The following ABCA13 variants were observed in gnomAD, a reference collection of about 807,000 sequenced individuals.
ABCA13 encodes the protein ATP-binding cassette sub-family A member 13.
Under a neutral mutation model 478.7 loss-of-function variants are expected in ABCA13, and 476 were observed. The ratio of observed to expected loss-of-function variants is 0.99; its 90% CI spans 0.92 to 1.07. ABCA13 has a LOEUF of 1.07. Ranked by LOEUF, ABCA13 falls within the 50% of genes least tolerant of loss-of-function variation. ABCA13 has a pLI of 0.00. For synonymous variants in ABCA13, 2,252 were observed against 2,158.9 expected, an observed-to-expected ratio of 1.04 and a Z score of -1.20; for missense variants, 6,060 against 5,910.6, an observed-to-expected ratio of 1.03 and a Z score of -0.83.
At position 48,280,064 on chromosome 7, in the gene ABCA13, G is replaced by A. The variant is rs1796828859; in HGVS notation, c.8726+144G>A. ...ACACTCTGAAGTTGGCTTCAACATAGAGCAATTCAGGTCCAGTCATTCTTT... is the reference window on the plus strand; with the variant it reads ...ACACTCTGAAGTTGGCTTCAACATAAAGCAATTCAGGTCCAGTCATTCTTT... On this transcript the variant is annotated intron_variant, in intron 18 of 61. Coordinates refer to ENST00000435803, the MANE Select transcript of ABCA13 (RefSeq NM_152701.5). 3 of 797,958 alleles carry A rather than the reference G, an allele frequency of 3.8e-6. No individual in the cohort carries two copies. In the South Asian group the frequency reaches 1.4e-4, roughly 37 times the overall value. 49.4% of individuals were successfully genotyped at this position (797,958 alleles called of 1,614,324 possible).
At chr7:48,601,535 C>T (rs1402543841) in intron 58 of ABCA13, among the ~76,000 whole-genome samples, 1 of 152,300 alleles carries the variant, frequency 6.6e-6, no homozygotes, top group East Asian at 1.9e-4. Context: ...ATCCATGTCC[C>T]TGCAAGGGAC....
chr7:48,353,666 A>G (rs1209432651), intron 31 of ABCA13, among the ~76,000 whole-genome samples: 2 of 151,642 alleles, frequency 1.3e-5, no homozygotes, highest in Non-Finnish European at 2.9e-5. Flanking sequence ...CTGTCTAGTG[A>G]TAGGCTGCAT....
chr7:48,530,429 T>C (rs1362783440), intron 55 of ABCA13, among the ~76,000 whole-genome samples: 1 of 152,164 alleles, frequency 6.6e-6, no homozygotes, highest in Non-Finnish European at 1.5e-5. Context: ...TTTTTGCAAT[T>C]GCAAATTATG....
Position 48,352,224 on chromosome 7 carries a change from A to G in ABCA13, c.10425A>G (p.Ser3475=), listed in dbSNP as rs201772699. The G allele has an allele frequency of 3.7e-6, 6 of 1,610,286 alleles. No individual in the cohort carries two copies. The highest frequency in any genetic ancestry group is 5.1e-6 in the Non-Finnish European group (6 of 1,177,980). Residue 3475 remains serine (S), a synonymous_variant, in exon 31 of 62, where the codon TCA becomes TCG. Coordinates refer to ENST00000435803, the MANE Select transcript of ABCA13 (RefSeq NM_152701.5). ...CCTTATTCGACAAGAACTTCAGATC[A>G]GAGTCTGTCAAACTGCCACCCCATG... ...SNSLFDKNFR[S]ESVKLPPHVS...
chr7:48,273,428 G>A lies in ABCA13; in HGVS notation c.3762G>A (p.Glu1254=). The change falls in exon 17 of 62, where the codon GAG becomes GAA. Residue 1254 remains glutamate (E), a synonymous_variant. Transcript: ENST00000435803. Reference sequence around the variant, plus strand: ...AAAAACTTAACTTGGAGCAAGTGGAGAAATCCCTTTTCACCATGGAAGCTG... The same window carrying A: ...AAAAACTTAACTTGGAGCAAGTGGAAAAATCCCTTTTCACCATGGAAGCTG... The part of the protein sequence containing the change: ...SVKKLNLEQV[E]KSLFTMEAAL... 1 of 1,613,270 alleles carries A rather than the reference G, an allele frequency of 6.2e-7. No homozygotes were observed. Among genetic ancestry groups the A allele is most frequent in the Non-Finnish European group, 8.5e-7 (1 of 1,179,590 alleles).
At chr7:48,428,112 T>G (rs1047371115) in intron 42 of ABCA13, among the ~76,000 whole-genome samples, 1 of 151,888 alleles carries the variant, frequency 6.6e-6, no homozygotes, top group Non-Finnish European at 1.5e-5. Flanking sequence ...AGGACTTGAC[T>G]TAGTATATAA....
In ABCA13 at chr7:48,274,868, G is replaced by C. The variant is rs1796089051; in HGVS notation, c.5202G>C (p.Leu1734=). 1 of 1,613,796 alleles carries C rather than the reference G, an allele frequency of 6.2e-7. No individual in the cohort carries two copies. The highest frequency in any genetic ancestry group is 1.3e-5 in the African/African-American group (1 of 74,906). The change falls in exon 17 of 62, where the codon CTG becomes CTC. Residue 1734 remains leucine, a synonymous_variant. Transcript: ENST00000435803. ...ATCATCTGCTGCAGCTCTCACGCCT[G>C]TTTCCTAAAGATGTTGTGGATGCTG... The part of the protein sequence containing the change: ...NVNHLLQLSR[L]FPKDVVDAVI...
In ABCA13 at chr7:48,278,157, A is replaced by G; in HGVS notation, c.6963A>G (p.Ile2321Met). 6.5e-7 allele frequency: 1 copy of G among 1,536,412 alleles called. No individual in the cohort carries two copies. Among genetic ancestry groups the G allele is most frequent in the Non-Finnish European group, 8.8e-7 (1 of 1,138,616 alleles). The change falls in exon 18 of 62, where the codon ATA (isoleucine) becomes ATG (methionine). Residue 2321 changes from isoleucine (I) to methionine (M), a missense_variant. Physicochemically the swap from Ile to Met is conservative, Grantham distance 10. Transcript: ENST00000435803. ...LKLDQFLTLMIQDRLMNIFSS... is the reference protein window; with the variant it reads ...LKLDQFLTLMMQDRLMNIFSS... ...TGGATCAATTTCTTACCCTGATGAT[A>G]CAAGACAGATTGATGAACATTTTTT...
chr7:48,223,120 G>A (rs1254217637), intron 5 of ABCA13, among the ~76,000 whole-genome samples: 1 of 152,130 alleles, frequency 6.6e-6, no homozygotes, highest in African/African-American at 2.4e-5. Flanking sequence ...TTTGACCTCA[G>A]TAATTGGAAA....
chr7:48,604,098 T>G (rs972977099), intron 58 of ABCA13, among the ~76,000 whole-genome samples: 2 of 152,218 alleles, frequency 1.3e-5, no homozygotes, highest in South Asian at 4.1e-4. Flanking sequence ...CATTTTTTAT[T>G]GCATCTATTT....
At chr7:48,205,796 T>G (rs752631211) in intron 3 of ABCA13, among the ~76,000 whole-genome samples, 2 of 152,250 alleles carry the variant, frequency 1.3e-5, no homozygotes, top group Non-Finnish European at 2.9e-5. Flanking sequence ...TTGTTGCTAT[T>G]GCAAATAGTA....
At position 48,268,850 on chromosome 7, in the gene ABCA13, CTTTTTTTTTTTT is replaced by C. The variant is rs57201740; in HGVS notation, c.2006-118_2006-107del. 3.2e-3 allele frequency: 791 copies of C among 245,568 alleles called. 13 individuals carry two copies. In the South Asian group the frequency reaches 0.034, roughly 11 times the overall value. 15.2% of individuals were successfully genotyped at this position (245,568 alleles called of 1,614,324 possible). On this transcript the variant is annotated intron_variant, in intron 15 of 61. Coordinates refer to ENST00000435803, the MANE Select transcript of ABCA13 (RefSeq NM_152701.5). The stretch of plus-strand genomic sequence containing the variant: ...GTCAAATTAGAAGATTCCTACTCAT[CTTTTTTTTTTTT>C]TTTTTTTTTTTAACATTTTCAACCA...
chr7:48,367,028 A>G (rs1811782067), intron 31 of ABCA13, among the ~76,000 whole-genome samples: 1 of 152,100 alleles, frequency 6.6e-6, no homozygotes, highest in Non-Finnish European at 1.5e-5. Flanking sequence ...TTGAATAAAT[A>G]ATTATTATGT....
chr7:48,317,835 G>A (rs1304547117), intron 27 of ABCA13, among the ~76,000 whole-genome samples: 1 of 152,238 alleles, frequency 6.6e-6, no homozygotes, highest in Non-Finnish European at 1.5e-5. Context: ...GACACTATGT[G>A]GCTCTGCTTA....
intron 59 of ABCA13, among the ~76,000 whole-genome samples, chr7:48,632,859 A>G (rs757253752): frequency 3.3e-5 from 5 of 152,206 alleles, no homozygotes; most frequent in African/African-American, 4.8e-5. Context: ...GGAGAACTGG[A>G]CAGTCACATG....
At chr7:48,628,100 C>T (rs181080412) in intron 59 of ABCA13, among the ~76,000 whole-genome samples, 9 of 152,254 alleles carry the variant, frequency 5.9e-5, no homozygotes, top group African/African-American at 1.9e-4. Flanking sequence ...CTCTTTCCCC[C>T]GCTGTAAAGT....
At chr7:48,190,226 A>G (rs1584056110) in intron 1 of ABCA13, among the ~76,000 whole-genome samples, 1 of 152,164 alleles carries the variant, frequency 6.6e-6, no homozygotes, top group Non-Finnish European at 1.5e-5. Context: ...CCCATTTGGC[A>G]ATGGTACCTC....
At chr7:48,338,485 C>A in intron 29 of ABCA13, 30 bp downstream of exon 29, 1 of 1,539,028 alleles carries the variant, frequency 6.5e-7, no homozygotes, top group Admixed American at 1.9e-5. Context: ...TGGTAGTGTT[C>A]TTCTGCCCAT....
intron 47 of ABCA13, among the ~76,000 whole-genome samples, chr7:48,488,409 A>C (rs1829541599): frequency 6.6e-6 from 1 of 152,158 alleles, no homozygotes. Context: ...AAGGGATTTG[A>C]GATCTGGTCC....
Sources: allele counts gnomAD v4.1 joint callset (sites outside exome capture counted in the v4.1 genomes callset), GRCh38; gene constraint gnomAD v4.1.1; transcripts MANE v1.5; gene names NCBI Gene and HGNC (gene_info 2026-07-23, HGNC 2026-07-21).